RANBP2: variants seen among roughly 807,000 people sequenced by gnomAD.
RANBP2 encodes E3 SUMO-protein ligase RanBP2.
A neutral mutation model predicts 303.6 loss-of-function variants in RANBP2; 57 were observed. The observed-to-expected ratio is 0.19, with a 90% confidence interval of 0.15 to 0.23. The LOEUF (loss-of-function observed/expected upper bound fraction) is 0.23, where lower values mean the gene tolerates loss of function less well. Ranked by LOEUF, RANBP2 falls within the 10% of genes least tolerant of loss-of-function variation. The pLI is 1.00. For missense variants in RANBP2, 3,138 were observed against 3,780.8 expected (o/e 0.83, Z 4.46); for synonymous variants, 1,167 against 1,301.5 (o/e 0.90, Z 2.23).
chr2:109,373,211 C>G, the RANBP2 span, among the ~76,000 whole-genome samples: 1 of 152,212 alleles, frequency 6.6e-6, no homozygotes, highest in East Asian at 1.9e-4. Flanking sequence ...GCTTTTCTGT[C>G]CTGGTGCTTA....
chr2:109,297,860 C>T, the RANBP2 span, among the ~76,000 whole-genome samples: 4 of 152,128 alleles, frequency 2.6e-5, no homozygotes, highest in African/African-American at 9.7e-5. Flanking sequence ...CAGTTCGCCC[C>T]ACCCAGGCCA....
At chr2:109,326,470 G>A in the RANBP2 span, among the ~76,000 whole-genome samples, 1 of 152,190 alleles carries the variant, frequency 6.6e-6, no homozygotes, top group Non-Finnish European at 1.5e-5. Context: ...ACCAGCAGTG[G>A]TGAGAGACGT....
At chr2:109,180,780 G>T in the RANBP2 span, among the ~76,000 whole-genome samples, 4 of 152,050 alleles carry the variant, frequency 2.6e-5, no homozygotes, top group African/African-American at 7.2e-5. Flanking sequence ...TTTGTAAATT[G>T]CCCAGTCTCT....
chr2:109,396,519 C>G, the RANBP2 span, among the ~76,000 whole-genome samples: 1 of 152,192 alleles, frequency 6.6e-6, no homozygotes, highest in East Asian at 1.9e-4. Context: ...GATGGGGCCA[C>G]CCTTTATCAT....
At chr2:109,652,647 C>A in the RANBP2 span, among the ~76,000 whole-genome samples, 1 of 152,144 alleles carries the variant, frequency 6.6e-6, no homozygotes, top group African/African-American at 2.4e-5. Flanking sequence ...CTGGGTGGGT[C>A]AGACAGCACC....
chr2:109,245,248 T>G, the RANBP2 span, among the ~76,000 whole-genome samples: 1 of 151,956 alleles, frequency 6.6e-6, no homozygotes, highest in Non-Finnish European at 1.5e-5. Context: ...TGCTCTGAGG[T>G]TTTCAGACCA....
At chr2:109,704,711 C>T in the RANBP2 span, among the ~76,000 whole-genome samples, 1 of 151,794 alleles carries the variant, frequency 6.6e-6, no homozygotes, top group East Asian at 1.9e-4. Context: ...ATTAGCTGGG[C>T]GTGGTGGCAG....
chr2:109,091,136 G>A, the RANBP2 span, among the ~76,000 whole-genome samples: 4 of 152,092 alleles, frequency 2.6e-5, no homozygotes, highest in Non-Finnish European at 4.4e-5. Context: ...GAGATGAGGC[G>A]GGAGGATTGC....
the RANBP2 span, among the ~76,000 whole-genome samples, chr2:109,423,080 G>A: frequency 1.1e-4 from 17 of 152,188 alleles, no homozygotes; most frequent in African/African-American, 4.1e-4. Flanking sequence ...GTCGATGGGT[G>A]CAGTTCATTA....
At chr2:108,844,952 T>C in the RANBP2 span, among the ~76,000 whole-genome samples, 1 of 152,152 alleles carries the variant, frequency 6.6e-6, no homozygotes, top group African/African-American at 2.4e-5. Flanking sequence ...TTCACCATGT[T>C]GGCCAGAATG....
At chr2:108,939,176 C>T in the RANBP2 span, among the ~76,000 whole-genome samples, 1 of 151,826 alleles carries the variant, frequency 6.6e-6, no homozygotes, top group African/African-American at 2.4e-5. Flanking sequence ...CTCATCCTTC[C>T]ATTTGTTGTT....
the RANBP2 span, among the ~76,000 whole-genome samples, chr2:108,913,949 CAAAA>C: frequency 2.0e-4 from 22 of 109,154 alleles, no homozygotes; most frequent in African/African-American, 5.4e-4. Context: ...GATTCCGTCT[CAAAA>C]AAAAAAAAAA....
the RANBP2 span, among the ~76,000 whole-genome samples, chr2:109,020,371 A>T: frequency 6.6e-6 from 1 of 152,222 alleles, no homozygotes; most frequent in Non-Finnish European, 1.5e-5. Context: ...GAGGGAGGTC[A>T]TGGTTAGAAT....
chr2:109,016,067 T>G, the RANBP2 span, among the ~76,000 whole-genome samples: 10 of 148,460 alleles, frequency 6.7e-5, no homozygotes, highest in South Asian at 2.1e-4. Context: ...GTAGGTGGTG[T>G]TATTGGTTTT....
At chr2:109,314,201 G>A in the RANBP2 span, among the ~76,000 whole-genome samples, 2 of 152,142 alleles carry the variant, frequency 1.3e-5, no homozygotes, top group African/African-American at 4.8e-5. Flanking sequence ...TCCAGAGATG[G>A]GGGCACCAGA....
the RANBP2 span, among the ~76,000 whole-genome samples, chr2:109,402,099 C>T: frequency 1.3e-5 from 2 of 152,238 alleles, no homozygotes; most frequent in Non-Finnish European, 2.9e-5. Flanking sequence ...CAGGTGTGAG[C>T]TGTGTATGCT....
At chr2:109,115,006 TATA>T in the RANBP2 span, among the ~76,000 whole-genome samples, 1 of 152,224 alleles carries the variant, frequency 6.6e-6, no homozygotes, top group Non-Finnish European at 1.5e-5. Context: ...GACAGTTTGT[TATA>T]ATTTCTGTTC....
the RANBP2 span, among the ~76,000 whole-genome samples, chr2:109,519,910 G>T: frequency 9.2e-4 from 140 of 152,326 alleles, 1 homozygote; most frequent in African/African-American, 3.2e-3. Context: ...TGATAGCTGT[G>T]GCTGCAAAAG....
At chr2:109,677,909 G>A in the RANBP2 span, among the ~76,000 whole-genome samples, 2 of 152,180 alleles carry the variant, frequency 1.3e-5, no homozygotes, top group Admixed American at 6.5e-5. Context: ...CTGTATCCCC[G>A]GTTCCTGGTA....
Sources: allele counts gnomAD v4.1 joint callset (sites outside exome capture counted in the v4.1 genomes callset), GRCh38; gene constraint gnomAD v4.1.1; transcripts MANE v1.5; gene names NCBI Gene and HGNC (gene_info 2026-07-23, HGNC 2026-07-21).